MTUS1: variants seen among roughly 807,000 people sequenced by gnomAD.
MTUS1 encodes microtubule-associated tumor suppressor 1.
A neutral mutation model predicts 120.8 loss-of-function variants in MTUS1; 109 were observed. The ratio of observed to expected loss-of-function variants is 0.90; its 90% CI spans 0.77 to 1.06. The LOEUF (loss-of-function observed/expected upper bound fraction) is 1.06. MTUS1 is among the 50% of genes least tolerant of loss of function. The pLI, the probability that MTUS1 is intolerant of heterozygous loss-of-function variation, is 0.00. For missense variants in MTUS1, 2,210 were observed against 1,486.3 expected, an observed-to-expected ratio of 1.49 and a Z score of -8.01; for synonymous variants, 737 against 550.5, an observed-to-expected ratio of 1.34 and a Z score of -4.74.
intron 1 of MTUS1, among the ~76,000 whole-genome samples, chr8:17,769,601 C>A (rs1178122715): frequency 6.6e-6 from 1 of 151,980 alleles, no homozygotes; most frequent in African/African-American, 2.4e-5. Context: ...CCCGCCTCGG[C>A]CTCCCAAAGT....
At chr8:17,703,685 G>C (rs1304802279) in intron 6 of MTUS1, among the ~76,000 whole-genome samples, 2 of 150,776 alleles carry the variant, frequency 1.3e-5, no homozygotes, top group African/African-American at 2.4e-5. Context: ...GTCTCCTGCA[G>C]TACCCTCAGG....
chr8:17,750,177 T>A (rs11203907), intron 2 of MTUS1, among the ~76,000 whole-genome samples: 14,980 of 152,094 alleles, frequency 0.098, 836 homozygotes, highest in South Asian at 0.16. Flanking sequence ...ATACATTAGG[T>A]GAATTCAACA....
In MTUS1 at chr8:17,755,785, T is replaced by C. The variant is rs1267195847; in HGVS notation, c.23A>G (p.Asp8Gly). The change falls in exon 2 of 15, where the codon GAT becomes GGT. Residue 8 changes from aspartate to glycine, a missense_variant. Physicochemically the swap from Asp to Gly is moderately conservative, Grantham distance 94. Transcript: ENST00000693296. The stretch of plus-strand genomic sequence containing the variant: ...GGTTTGCAATTCATCTTCTATTTTA[T>C]CATCTGAATTATCATCAGTCATCCT... MTDDNSD[D>G]KIEDELQTFF... 5.6e-6 allele frequency: 9 copies of C among 1,613,464 alleles called. No individual in the cohort carries two copies. The highest frequency in any genetic ancestry group is 6.8e-6 in the Non-Finnish European group (8 of 1,179,786).
At chr8:17,688,584 C>G (rs550723470) in intron 6 of MTUS1, among the ~76,000 whole-genome samples, 1 of 152,190 alleles carries the variant, frequency 6.6e-6, no homozygotes, top group African/African-American at 2.4e-5. Flanking sequence ...CTGCCTTAAT[C>G]TAATCGTACA....
intron 2 of MTUS1, 47 bp from the exon 3 acceptor site, chr8:17,743,846 GCCC>G (rs755312861): frequency 3.2e-6 from 5 of 1,542,516 alleles, no homozygotes; most frequent in Non-Finnish European, 4.4e-6. Flanking sequence ...AAAATTCTAA[GCCC>G]CCCAACTGAC....
intron 1 of MTUS1, among the ~76,000 whole-genome samples, chr8:17,768,209 G>A (rs2049715385): frequency 6.6e-6 from 1 of 152,202 alleles, no homozygotes; most frequent in African/African-American, 2.4e-5. Context: ...TTTACGCTTT[G>A]AGTATAAACT....
At chr8:17,650,316 G>T (rs541053611) in intron 12 of MTUS1, among the ~76,000 whole-genome samples, 41 of 152,128 alleles carry the variant, frequency 2.7e-4, no homozygotes, top group Non-Finnish European at 4.9e-4. Flanking sequence ...GGAGAACAGG[G>T]AACAACAGTT....
chr8:17,674,435 G>C (rs1213265137), intron 8 of MTUS1: 28 of 977,456 alleles, frequency 2.9e-5, no homozygotes, highest in Non-Finnish European at 3.4e-5. Context: ...AAAAGAAAAA[G>C]AAACAGAAAA....
At position 17,743,614 on chromosome 8, in the gene MTUS1, C is replaced by A. The variant is rs200760063; in HGVS notation, c.2277G>T (p.Val759=). The A allele has an allele frequency of 2.5e-6, 4 of 1,613,724 alleles. No individual in the cohort carries two copies. Among genetic ancestry groups the A allele is most frequent in the Non-Finnish European group, 2.5e-6 (3 of 1,179,828 alleles). The change falls in exon 3 of 15, where the codon GTG becomes GTT. Residue 759 remains valine, a synonymous_variant. Transcript: ENST00000693296. ...CTATTTTATTCTTACCAGAACTGGA[C>A]ACACGCCTGATCCTCTGAGGAGATA... The part of the protein sequence containing the change: ...RAVSPQRIRR[V]SSSGKPTSLK...
At chr8:17,726,925 C>T (rs1563276469) in intron 3 of MTUS1, among the ~76,000 whole-genome samples, 1 of 152,158 alleles carries the variant, frequency 6.6e-6, no homozygotes, top group Non-Finnish European at 1.5e-5. Context: ...TTCAGAAATG[C>T]ATGCCTCATA....
At chr8:17,669,444 G>A (rs1339630078) in intron 8 of MTUS1, among the ~76,000 whole-genome samples, 2 of 151,998 alleles carry the variant, frequency 1.3e-5, no homozygotes, top group South Asian at 2.1e-4. Flanking sequence ...GTGCCTAGAC[G>A]TGAATTTGGA....
intron 8 of MTUS1, chr8:17,674,737 T>A: frequency 2.0e-6 from 2 of 993,404 alleles, no homozygotes; most frequent in South Asian, 4.6e-5. Flanking sequence ...TTCAGCCAAG[T>A]TGCCTTCATG....
chr8:17,697,438 T>A, intron 6 of MTUS1: 1 of 1,592,218 alleles, frequency 6.3e-7, no homozygotes, highest in East Asian at 2.3e-5. Flanking sequence ...TGTCACATAC[T>A]GTCTTTTTAA....
intron 11 of MTUS1, 64 bp downstream of exon 11, chr8:17,653,361 C>CCAAA: frequency 6.5e-7 from 1 of 1,533,102 alleles, no homozygotes; most frequent in Non-Finnish European, 8.9e-7. Flanking sequence ...AACATTAAAA[C>CCAAA]CAAACAAAAT....
In MTUS1 at chr8:17,688,421, T is replaced by C. The variant is rs143477871; in HGVS notation, c.2624-3879A>G. Among the ~76,000 whole-genome samples, 568 of 152,332 alleles carry C rather than the reference T, an allele frequency of 3.7e-3. 13 individuals carry two copies. The highest frequency in any genetic ancestry group is 0.024 in the Admixed American group (368 of 15,308). On this transcript the variant is annotated intron_variant, in intron 6 of 14. Coordinates refer to ENST00000693296, the MANE Select transcript of MTUS1 (RefSeq NM_001363059.2). ...AAATCTCAACCTATCTGTAAAAAGG[T>C]GACAGTCACTGACTGGATGGTAAGT...
At chr8:17,752,980 T>G (rs1264391392) in intron 2 of MTUS1, among the ~76,000 whole-genome samples, 1 of 152,206 alleles carries the variant, frequency 6.6e-6, no homozygotes, top group Non-Finnish European at 1.5e-5. Context: ...ACCTTTACAC[T>G]GCATGTGAAT....
chr8:17,699,135 T>G (rs1051022281), intron 6 of MTUS1, among the ~76,000 whole-genome samples: 1 of 152,134 alleles, frequency 6.6e-6, no homozygotes, highest in African/African-American at 2.4e-5. Flanking sequence ...CCACTCCATA[T>G]AGTAGGAGGT....
At chr8:17,771,939 T>G (rs1274075557) in intron 1 of MTUS1, among the ~76,000 whole-genome samples, 2 of 152,220 alleles carry the variant, frequency 1.3e-5, no homozygotes, top group African/African-American at 4.8e-5. Context: ...CACACCACAT[T>G]CTATGGACAG....
intron 1 of MTUS1, among the ~76,000 whole-genome samples, chr8:17,781,229 AAAC>A (rs1270181686): frequency 6.6e-6 from 1 of 152,228 alleles, no homozygotes; most frequent in Non-Finnish European, 1.5e-5. Context: ...GCCAATCAGC[AAAC>A]AACTACCATT....
Sources: gnomAD v4.1 joint callset for allele counts (sites outside exome capture counted in the v4.1 genomes callset) on GRCh38, gnomAD v4.1.1 for gene constraint, MANE v1.5 for transcripts, NCBI Gene and HGNC (gene_info 2026-07-23, HGNC 2026-07-21) for gene names.